POLR3G: variants seen among roughly 807,000 people sequenced by gnomAD.
The protein encoded by POLR3G is RNA polymerase III subunit G.
Under a neutral mutation model 30.1 loss-of-function variants are expected in POLR3G, and 28 were observed. The ratio of observed to expected loss-of-function variants is 0.93; its 90% CI spans 0.69 to 1.27. POLR3G has a LOEUF of 1.27. POLR3G is among the 50% of genes most tolerant of loss of function. The pLI is 0.00. For missense variants in POLR3G, 254 were observed against 264.6 expected (o/e 0.96, Z 0.28); for synonymous variants, 79 against 82.5 (o/e 0.96, Z 0.23).
chr5:90,495,005 A>T (rs900120177), intron 3 of POLR3G, among the ~76,000 whole-genome samples: 5 of 152,308 alleles, frequency 3.3e-5, no homozygotes, highest in Middle Eastern at 3.4e-3. Flanking sequence ...CGTTTTATAG[A>T]TTAAAAACTT....
intron 4 of POLR3G, among the ~76,000 whole-genome samples, chr5:90,496,040 C>A (rs956844364): frequency 6.6e-6 from 1 of 151,956 alleles, no homozygotes; most frequent in Non-Finnish European, 1.5e-5. Flanking sequence ...GGCACGATAT[C>A]GGCTCATTGC....
At chr5:90,486,034 C>A (rs1326428047) in intron 2 of POLR3G, among the ~76,000 whole-genome samples, 1 of 152,170 alleles carries the variant, frequency 6.6e-6, no homozygotes, top group Non-Finnish European at 1.5e-5. Flanking sequence ...CCCTATCACA[C>A]CTTCACTTAA....
At chr5:90,498,337 A>G (rs1470733015) in intron 5 of POLR3G, among the ~76,000 whole-genome samples, 1 of 151,900 alleles carries the variant, frequency 6.6e-6, no homozygotes, top group Non-Finnish European at 1.5e-5. Flanking sequence ...ACAGGGGTAC[A>G]TGTGCAGGTT....
At chr5:90,496,707 T>C (rs1752014052) in intron 4 of POLR3G, among the ~76,000 whole-genome samples, 1 of 152,262 alleles carries the variant, frequency 6.6e-6, no homozygotes, top group South Asian at 2.1e-4. Context: ...TTTTTATGTC[T>C]CTGTCCTTGG....
chr5:90,474,224 GA>G, upstream of POLR3G: 1 of 1,613,342 alleles, frequency 6.2e-7, no homozygotes, highest in Non-Finnish European at 8.5e-7. Flanking sequence ...CCGACTCGTA[GA>G]AACGTTCTTG....
chr5:90,480,678 A>G (rs930266775), intron 1 of POLR3G, among the ~76,000 whole-genome samples: 3 of 152,162 alleles, frequency 2.0e-5, no homozygotes, highest in Admixed American at 1.3e-4. Flanking sequence ...CTAGGACTCT[A>G]TGTTTAGCAG....
chr5:90,509,753 C>T (rs998124636), intron 7 of POLR3G, among the ~76,000 whole-genome samples: 5 of 151,856 alleles, frequency 3.3e-5, no homozygotes, highest in African/African-American at 7.3e-5. Context: ...ATCGGTATGG[C>T]GGGACTAGAG....
chr5:90,503,126 C>G (rs914469002), intron 6 of POLR3G, among the ~76,000 whole-genome samples: 1 of 152,124 alleles, frequency 6.6e-6, no homozygotes, highest in Non-Finnish European at 1.5e-5. Flanking sequence ...ACAGCTAACA[C>G]TTTATTGAAA....
At chr5:90,482,452 G>A (rs1459932692) in intron 1 of POLR3G, among the ~76,000 whole-genome samples, 1 of 152,180 alleles carries the variant, frequency 6.6e-6, no homozygotes, top group Non-Finnish European at 1.5e-5. Context: ...AACTTTGGGA[G>A]GAAATTAGTT....
chr5:90,503,235 G>A (rs189452592), intron 6 of POLR3G, among the ~76,000 whole-genome samples: 15 of 152,286 alleles, frequency 9.8e-5, no homozygotes, highest in African/African-American at 3.6e-4. Flanking sequence ...CTTCTTTACA[G>A]ATGAGGAAGT....
At chr5:90,474,370 C>A (rs1260790816), upstream of POLR3G, 17 of 1,340,928 alleles carry the variant, frequency 1.3e-5, no homozygotes, top group African/African-American at 4.3e-5. Flanking sequence ...CAGGGCACTG[C>A]GGCTGTGTGA....
upstream of POLR3G, chr5:90,474,741 C>A (rs114749727): frequency 0.031 from 5,839 of 187,640 alleles, 383 homozygotes; most frequent in African/African-American, 0.13. Context: ...TCCCAGCTGG[C>A]GCAGAAAGTG....
At chr5:90,505,730 A>G (rs769829946) in intron 6 of POLR3G, among the ~76,000 whole-genome samples, 10 of 152,208 alleles carry the variant, frequency 6.6e-5, no homozygotes, top group African/African-American at 9.7e-5. Flanking sequence ...GAAAAAAGAT[A>G]AAGACACAGA....
chr5:90,484,245 A>G (rs1440224019), intron 1 of POLR3G, among the ~76,000 whole-genome samples: 1 of 152,146 alleles, frequency 6.6e-6, no homozygotes, highest in African/African-American at 2.4e-5. Context: ...TCTGTGGTGG[A>G]ACTCACAGTT....
chr5:90,474,115 AGGAGTACAGGTACTCCGGGAG>A, upstream of POLR3G: 1 of 1,580,806 alleles, frequency 6.3e-7, no homozygotes, highest in Non-Finnish European at 8.6e-7. Flanking sequence ...AAGAGGCCGG[AGGAGTACAGGTACTCCGGGAG>A]GCTGCGCAGC....
intron 1 of POLR3G, among the ~76,000 whole-genome samples, chr5:90,478,435 A>G (rs1750945946): frequency 6.6e-6 from 1 of 152,144 alleles, no homozygotes; most frequent in South Asian, 2.1e-4. Context: ...AGTGTAATGC[A>G]AATGGAAGAA....
chr5:90,473,987 G>A, upstream of POLR3G: 1 of 1,598,886 alleles, frequency 6.3e-7, no homozygotes, highest in Non-Finnish European at 8.5e-7. Context: ...CGGCCTCGGC[G>A]TGGTGCACTG....
At chr5:90,506,408 A>C (rs2151914447) in intron 6 of POLR3G, 120 bp from the exon 7 acceptor site, 2 of 1,354,440 alleles carry the variant, frequency 1.5e-6, no homozygotes, top group East Asian at 4.9e-5. Context: ...GGTGGTAGCC[A>C]GGAGGTGGTG....
rs776937972 is a variant in POLR3G, at chr5:90,512,379, G to GT, written c.*247dup. The GT allele has an allele frequency of 8.3e-5, 31 of 373,718 alleles. No individual in the cohort carries two copies. The highest frequency in any genetic ancestry group is 1.5e-4 in the South Asian group (3 of 19,798). 23.2% of individuals were successfully genotyped at this position (373,718 alleles called of 1,614,324 possible). A position where few individuals can be genotyped will look rare whatever the true frequency, so the allele number is the denominator to read the frequency against. On this transcript the variant is annotated 3_prime_UTR_variant, in exon 8 of 8. Coordinates refer to ENST00000651687, the MANE Select transcript of POLR3G (RefSeq NM_006467.3). ...CCATCTCTCTTATGTACTCTCATGG[G>GT]TTTTTTTGTATGATTTGAATATGAA...
Sources: allele counts gnomAD v4.1 joint callset (sites outside exome capture counted in the v4.1 genomes callset), GRCh38; gene constraint gnomAD v4.1.1; transcripts MANE v1.5; gene names NCBI Gene and HGNC (gene_info 2026-07-23, HGNC 2026-07-21).